Variants in CRKL observed in about 807,000 individuals in gnomAD.
The protein encoded by CRKL is CRK like proto-oncogene, adaptor protein.
A neutral mutation model predicts 23.0 loss-of-function variants in CRKL; 3 were observed. The ratio of observed to expected loss-of-function variants is 0.13; its 90% CI spans 0.06 to 0.34. The LOEUF (loss-of-function observed/expected upper bound fraction) is 0.34, where lower values mean the gene tolerates loss of function less well. Ranked by LOEUF, CRKL falls within the 10% of genes least tolerant of loss-of-function variation. The pLI is 1.00. For synonymous variants in CRKL, 188 were observed against 160.7 expected, an observed-to-expected ratio of 1.17 and a Z score of -1.28; for missense variants, 256 against 394.5, an observed-to-expected ratio of 0.65 and a Z score of 2.97.
At position 20,928,831 on chromosome 22, in the gene CRKL, AAAAAAAGG is replaced by A. The variant is rs1435777566; in HGVS notation, c.312-4945_312-4938del. ...CCATCTCAAAAAAAAAAAAAAAAAA[AAAAAAAGG>A]AATATTACCAGCACCTTTGAAACTT... On this transcript the variant is annotated intron_variant, in intron 1 of 2. Transcript: ENST00000354336. Among the ~76,000 whole-genome samples the A allele has an allele frequency of 2.3e-3, 353 of 151,370 alleles. 5 individuals are homozygous for A. The South Asian group carries it at 0.038, about 16-fold the overall frequency.
chr22:20,940,757 T>C (rs1430372452), intron 2 of CRKL, among the ~76,000 whole-genome samples: 1 of 152,150 alleles, frequency 6.6e-6, no homozygotes, highest in African/African-American at 2.4e-5. Flanking sequence ...GGATTACATC[T>C]GGTCTCTGTG....
At position 20,937,598 on chromosome 22, in the gene CRKL, G is replaced by GT. The variant is rs564563996; in HGVS notation, c.777+3355dup. Among the ~76,000 whole-genome samples the GT allele has an allele frequency of 2.6e-4, 39 of 151,410 alleles. No homozygotes were observed. In the East Asian group the frequency reaches 7.2e-3, roughly 28 times the overall value. On this transcript the variant is annotated intron_variant, in intron 2 of 2. Coordinates refer to ENST00000354336, the MANE Select transcript of CRKL (RefSeq NM_005207.4). ...AGTAGGTGCCTGAGAGAGGTCAGGAGTAGGAGGAAGGAAGCCTGGTTAATG... is the reference window on the plus strand; with the variant it reads ...AGTAGGTGCCTGAGAGAGGTCAGGAGTTAGGAGGAAGGAAGCCTGGTTAATG...
rs996233398 is a variant in CRKL at position 20,933,198 on chromosome 22, G to A, written c.312-581G>A. 4.6e-5 allele frequency among the ~76,000 whole-genome samples: 7 copies of A among 151,330 alleles called. No individual in the cohort carries two copies. The East Asian group carries it at 9.8e-4, about 21-fold the overall frequency. On this transcript the variant is annotated intron_variant, in intron 1 of 2. Transcript: ENST00000354336. Reference sequence around the variant, plus strand: ...ATCCTGGCTAACAAGGTGAAATTCCGTCTCTACTAAAAATAGAAAAAATTA... The same window carrying A: ...ATCCTGGCTAACAAGGTGAAATTCCATCTCTACTAAAAATAGAAAAAATTA...
At position 20,950,802 on chromosome 22, in the gene CRKL, G is replaced by A. The variant is rs1922246916; in HGVS notation, c.*957G>A. On this transcript the variant is annotated 3_prime_UTR_variant, in exon 3 of 3. Transcript: ENST00000354336. ...ACTCATGCCTCTGAGCTTCTAAACTGAAGCTGCTGTAACTAAAGGAATCTG... is the reference window on the plus strand; with the variant it reads ...ACTCATGCCTCTGAGCTTCTAAACTAAAGCTGCTGTAACTAAAGGAATCTG... 2 of 228,522 alleles carry A rather than the reference G, an allele frequency of 8.8e-6. No individual in the cohort carries two copies. Among genetic ancestry groups the A allele is most frequent in the African/African-American group, 4.4e-5 (2 of 45,088 alleles). 14.2% of individuals were successfully genotyped at this position (228,522 alleles called of 1,614,324 possible). A position where few individuals can be genotyped will look rare whatever the true frequency, so the allele number is the denominator to read the frequency against.
chr22:20,943,851 A>G (rs1921962083), intron 2 of CRKL, among the ~76,000 whole-genome samples: 1 of 152,066 alleles, frequency 6.6e-6, no homozygotes, highest in South Asian at 2.1e-4. Context: ...ACTTGATCAT[A>G]AATGTGTGGG....
intron 1 of CRKL, among the ~76,000 whole-genome samples, chr22:20,923,894 A>AT (rs1385040705): frequency 6.7e-6 from 1 of 149,976 alleles, no homozygotes; most frequent in African/African-American, 2.4e-5. Flanking sequence ...AAAAAAAAAA[A>AT]TGTAAAGGTT....
At position 20,925,176 on chromosome 22, in the gene CRKL, G is replaced by A. The variant is rs1165543469; in HGVS notation, c.311+6931G>A. Among the ~76,000 whole-genome samples, 3 of 113,008 alleles carry A rather than the reference G, an allele frequency of 2.7e-5. No homozygotes were observed. The East Asian group carries it at 8.4e-4, about 32-fold the overall frequency. 74.1% of individuals were successfully genotyped at this position (113,008 alleles called of 152,430 possible). The stretch of plus-strand genomic sequence containing the variant: ...GCACTCCAGCCTGCCAACAGAGCGA[G>A]ACTCCGTCTCAAAAAAAAAAAAAAA... On this transcript the variant is annotated intron_variant, in intron 1 of 2. Transcript: ENST00000354336.
rs867551330 is a variant in CRKL, at chr22:20,953,003, A to G, written c.*3158A>G. The G allele has an allele frequency of 4.3e-6, 1 of 232,046 alleles. No individual in the cohort carries two copies. The highest frequency in any genetic ancestry group is 8.5e-6 in the Non-Finnish European group (1 of 117,082). 14.4% of individuals were successfully genotyped at this position (232,046 alleles called of 1,614,324 possible). A position where few individuals can be genotyped will look rare whatever the true frequency, so the allele number is the denominator to read the frequency against. The stretch of plus-strand genomic sequence containing the variant: ...GCTCATGTGTCCCTGGCGCTGTGCT[A>G]GCTTTCCTTTACAGCTGTTTACAGA... On this transcript the variant is annotated 3_prime_UTR_variant, in exon 3 of 3. Coordinates refer to ENST00000354336, the MANE Select transcript of CRKL (RefSeq NM_005207.4).
chr22:20,918,314 G>T (rs1929765569), intron 1 of CRKL, 69 bp downstream of exon 1: 2 of 1,520,216 alleles, frequency 1.3e-6, no homozygotes, highest in East Asian at 2.4e-5. Flanking sequence ...TGCTTGTATA[G>T]GGGGGTGGGG....
chr22:20,946,585 G>A (rs1922062012), intron 2 of CRKL, among the ~76,000 whole-genome samples: 1 of 152,076 alleles, frequency 6.6e-6, no homozygotes, highest in African/African-American at 2.4e-5. Context: ...CATCTCCCAG[G>A]TGTAGTTTGC....
intron 2 of CRKL, among the ~76,000 whole-genome samples, chr22:20,945,494 C>G (rs993334561): frequency 2.6e-5 from 4 of 152,138 alleles, no homozygotes; most frequent in Non-Finnish European, 4.4e-5. Context: ...CGCCCCCTAC[C>G]TTTCCCAAAT....
intron 1 of CRKL, among the ~76,000 whole-genome samples, chr22:20,921,681 G>T (rs992669178): frequency 4.6e-5 from 7 of 151,736 alleles, no homozygotes; most frequent in African/African-American, 1.7e-4. Flanking sequence ...AAAGTCCATT[G>T]TGTTGGGAGT....
intron 2 of CRKL, among the ~76,000 whole-genome samples, chr22:20,946,201 T>A (rs897263678): frequency 2.0e-5 from 3 of 152,178 alleles, no homozygotes; most frequent in African/African-American, 7.2e-5. Context: ...ACCAAAAAAC[T>A]GCTGTGACGA....
At chr22:20,923,760 A>G (rs1310932902) in intron 1 of CRKL, among the ~76,000 whole-genome samples, 3 of 151,378 alleles carry the variant, frequency 2.0e-5, no homozygotes, top group Non-Finnish European at 4.4e-5. Flanking sequence ...TATTTTTAGT[A>G]GAGATGGGGT....
At chr22:20,936,246 A>T (rs1016813906) in intron 2 of CRKL, among the ~76,000 whole-genome samples, 5 of 152,182 alleles carry the variant, frequency 3.3e-5, no homozygotes, top group African/African-American at 1.2e-4. Context: ...AAAAAACCAA[A>T]TCCTGACTCA....
At chr22:20,924,304 C>T (rs1459847422) in intron 1 of CRKL, among the ~76,000 whole-genome samples, 3 of 152,094 alleles carry the variant, frequency 2.0e-5, no homozygotes, top group Admixed American at 6.6e-5. Flanking sequence ...CCTGAGAGCC[C>T]AGAAGAGGAG....
intron 1 of CRKL, among the ~76,000 whole-genome samples, chr22:20,928,728 G>A (rs1020469174): frequency 6.7e-6 from 1 of 148,418 alleles, no homozygotes; most frequent in Non-Finnish European, 1.5e-5. Flanking sequence ...TGGGAGGATC[G>A]CTTGAGCCTT....
At chr22:20,941,304 T>C (rs1921859654) in intron 2 of CRKL, among the ~76,000 whole-genome samples, 1 of 151,926 alleles carries the variant, frequency 6.6e-6, no homozygotes, top group South Asian at 2.1e-4. Context: ...ACTTGCCTCC[T>C]TGGACCTTTC....
intron 2 of CRKL, among the ~76,000 whole-genome samples, chr22:20,947,447 G>A (rs1003180703): frequency 1.3e-5 from 2 of 151,414 alleles, no homozygotes; most frequent in Non-Finnish European, 2.9e-5. Flanking sequence ...ATTCTCCTGC[G>A]TCAGCCTCCC....
Sources: allele counts gnomAD v4.1 joint callset (sites outside exome capture counted in the v4.1 genomes callset), GRCh38; gene constraint gnomAD v4.1.1; transcripts MANE v1.5; gene names NCBI Gene and HGNC (gene_info 2026-07-23, HGNC 2026-07-21).